Variants in SPTBN4 observed in about 807,000 individuals in gnomAD.
The protein encoded by SPTBN4 is spectrin beta chain, non-erythrocytic 4.
Under a neutral mutation model 277.8 loss-of-function variants are expected in SPTBN4, and 96 were observed. The ratio of observed to expected loss-of-function variants is 0.35; its 90% CI spans 0.29 to 0.41. SPTBN4 has a LOEUF of 0.41. SPTBN4 is among the 10% of genes least tolerant of loss of function. The pLI, the probability that SPTBN4 is intolerant of heterozygous loss-of-function variation, is 1.00. For synonymous variants in SPTBN4, 1,481 were observed against 1,580.3 expected, an observed-to-expected ratio of 0.94 and a Z score of 1.49; for missense variants, 3,006 against 3,595.7, an observed-to-expected ratio of 0.84 and a Z score of 4.19.
At position 40,554,658 on chromosome 19, in the gene SPTBN4, C is replaced by T; in HGVS notation, c.5084+12C>T. ...GGGCACCCGGACAGGTGGGCGGGCGCGTGGCCAGTTCACAGGAATGGTCCA... is the reference window on the plus strand; with the variant it reads ...GGGCACCCGGACAGGTGGGCGGGCGTGTGGCCAGTTCACAGGAATGGTCCA... On this transcript the variant is annotated intron_variant, in intron 24 of 35. Coordinates refer to ENST00000598249, the MANE Select transcript of SPTBN4 (RefSeq NM_020971.3). This position sits in a 1 kb window ranked among gnomAD's most constrained non-coding sequence, Gnocchi z 5.7. The T allele has an allele frequency of 6.3e-7, 1 of 1,590,372 alleles. No homozygotes were observed. Among genetic ancestry groups the T allele is most frequent in the Non-Finnish European group, 8.6e-7 (1 of 1,169,030 alleles).
At chr19:40,497,672 C>CTCAACTCCA (rs1309931425) in intron 7 of SPTBN4, 68 bp downstream of exon 7, 2 of 1,291,404 alleles carry the variant, frequency 1.5e-6, no homozygotes, top group Non-Finnish European at 2.2e-6. Flanking sequence ...CCATGTCACA[C>CTCAACTCCA]TCAACTCCAT....
chr19:40,475,483 T>C (rs2079936135), intron 2 of SPTBN4, among the ~76,000 whole-genome samples: 1 of 148,002 alleles, frequency 6.8e-6, no homozygotes, highest in Non-Finnish European at 1.5e-5. Context: ...TTATTTGAGG[T>C]GGAGTCTCAC....
intron 20 of SPTBN4, among the ~76,000 whole-genome samples, chr19:40,543,836 C>G (rs569753196): frequency 9.8e-5 from 15 of 152,308 alleles, no homozygotes; most frequent in Admixed American, 9.2e-4. Flanking sequence ...TGTGCATTTA[C>G]AAGTGTACCT....
Position 40,519,393 on chromosome 19 carries a change from C to T in SPTBN4, c.2904-8C>T, listed in dbSNP as rs757070630. On this transcript the variant is annotated splice_polypyrimidine_tract_variant and splice_region_variant and intron_variant, in intron 15 of 35. Transcript: ENST00000598249. The surrounding 1 kb of genome is among the most constrained non-coding windows in gnomAD (Gnocchi z 5.7). ...TCCTCCTCAAGTCACTCTCTTTCCC[C>T]TGGGCAGGTGGAACCGCATCGTGGA... 15 of 1,544,664 alleles carry T rather than the reference C, an allele frequency of 9.7e-6. No homozygotes were observed. Among genetic ancestry groups the T allele is most frequent in the South Asian group, 4.9e-5 (4 of 81,078 alleles).
Position 40,501,949 on chromosome 19 carries a change from G to C in SPTBN4, c.813G>C (p.Lys271Asn). The C allele has an allele frequency of 6.2e-7, 1 of 1,614,180 alleles. No homozygotes were observed. Among genetic ancestry groups the C allele is most frequent in the Non-Finnish European group, 8.5e-7 (1 of 1,180,028 alleles). ...TGAACATGGAGGCTCCAGATGAGAA[G>C]TCCATCATCACCTACGTGGTCTCTT... ...EDVNMEAPDEKSIITYVVSFY... is the reference protein window; with the variant it reads ...EDVNMEAPDENSIITYVVSFY... Residue 271 changes from lysine (K) to asparagine (N), a missense_variant, in exon 8 of 36, where the codon AAG (lysine) becomes AAC (asparagine). This residue lies in a region of SPTBN4 where 1,759 missense variants were observed against 2,061.5 expected (regional missense o/e 0.85). Coordinates refer to ENST00000598249, the MANE Select transcript of SPTBN4 (RefSeq NM_020971.3).
In SPTBN4 at chr19:40,487,701, G is replaced by C; in HGVS notation, c.174G>C (p.Glu58Asp). The stretch of plus-strand genomic sequence containing the variant: ...TCATCAGGGCCTCTCCTCCAGATGA[G>C]CGGGAAGCCGTGCAGAAGAAAACCT... The part of the protein sequence containing the change: ...ECSRIKALAD[E>D]REAVQKKTFT... The change falls in exon 3 of 36, where the codon GAG (glutamate) becomes GAC (aspartate). Residue 58 changes from glutamate (E) to aspartate (D), a missense_variant. Around this residue, in one of 5 missense-constraint regions of SPTBN4, gnomAD observed 114 missense variants for 196.1 expected, o/e 0.58. Coordinates refer to ENST00000598249, the MANE Select transcript of SPTBN4 (RefSeq NM_020971.3). 1 of 1,611,756 alleles carries C rather than the reference G, an allele frequency of 6.2e-7. No homozygotes were observed. Among genetic ancestry groups the C allele is most frequent in the Non-Finnish European group, 8.5e-7 (1 of 1,178,802 alleles).
intron 20 of SPTBN4, among the ~76,000 whole-genome samples, chr19:40,539,233 C>CT (rs2080771840): frequency 6.6e-6 from 1 of 152,248 alleles, no homozygotes; most frequent in Non-Finnish European, 1.5e-5. Context: ...TCCAGCAGGT[C>CT]TGGTTCTGAG....
Position 40,560,110 on chromosome 19 carries a change from C to G in SPTBN4, c.5671-49C>G. On this transcript the variant is annotated intron_variant, in intron 26 of 35. Transcript: ENST00000598249. This position sits in a 1 kb window ranked among gnomAD's most constrained non-coding sequence, Gnocchi z 5.2. The stretch of plus-strand genomic sequence containing the variant: ...GGAGCAGATGGTGGGAGGGAGGGCA[C>G]AGCCTGGGCCCCGTGGAGGGCTGGC... 3 of 1,528,004 alleles carry G rather than the reference C, an allele frequency of 2.0e-6. No homozygotes were observed. The highest frequency in any genetic ancestry group is 2.6e-6 in the Non-Finnish European group (3 of 1,143,556). 94.7% of individuals were successfully genotyped at this position (1,528,004 alleles called of 1,614,324 possible). A position where few individuals can be genotyped will look rare whatever the true frequency, so the allele number is the denominator to read the frequency against.
rs151315181 is a variant in SPTBN4 at position 40,472,342 on chromosome 19, G to C, written c.-15-265G>C. On this transcript the variant is annotated intron_variant, in intron 1 of 35. Coordinates refer to ENST00000598249, the MANE Select transcript of SPTBN4 (RefSeq NM_020971.3). ...TTATAGGCCTGAGCCACTGCGCCTG[G>C]CTTATTTTTATTTTTATAGAGATGA... 6.3e-3 allele frequency among the ~76,000 whole-genome samples: 952 copies of C among 151,586 alleles called. 9 individuals are homozygous for C. The highest frequency in any genetic ancestry group is 0.019 in the African/African-American group (770 of 41,276).
rs1555720164 is a variant in SPTBN4, at chr19:40,566,153, C to A, written c.6140-10C>A. 2 of 1,496,870 alleles carry A rather than the reference C, an allele frequency of 1.3e-6. No individual in the cohort carries two copies. Among genetic ancestry groups the A allele is most frequent in the Non-Finnish European group, 9.0e-7 (1 of 1,116,924 alleles). 92.7% of individuals were successfully genotyped at this position (1,496,870 alleles called of 1,614,324 possible). On this transcript the variant is annotated splice_polypyrimidine_tract_variant and intron_variant, in intron 29 of 35. Coordinates refer to ENST00000598249, the MANE Select transcript of SPTBN4 (RefSeq NM_020971.3). ...GCCCCAGAATCCTTACCCTGCATGC[C>A]CCTCCTCAGTGCTGGAGGTGCACCA...
Position 40,515,434 on chromosome 19 carries a change from C to A in SPTBN4, c.2889C>A (p.Asp963Glu). Reference protein sequence around the residue: ...PSSDEVRSCQDHLNSRWNRIV... With the variant: ...PSSDEVRSCQEHLNSRWNRIV... ...CAGATGAGGTGCGTTCCTGCCAGGA[C>A]CACCTCAACAGCAGGTAGGAGGGCC... Residue 963 changes from aspartate (D) to glutamate (E), a missense_variant, in exon 15 of 36, where the codon GAC (aspartate) becomes GAA (glutamate). This residue lies in a region of SPTBN4 where 1,759 missense variants were observed against 2,061.5 expected (regional missense o/e 0.85). Coordinates refer to ENST00000598249, the MANE Select transcript of SPTBN4 (RefSeq NM_020971.3). This position sits in a 1 kb window ranked among gnomAD's most constrained non-coding sequence, Gnocchi z 4.1. 1 of 1,564,604 alleles carries A rather than the reference C, an allele frequency of 6.4e-7. No individual in the cohort carries two copies. Among genetic ancestry groups the A allele is most frequent in the Non-Finnish European group, 8.7e-7 (1 of 1,154,300 alleles).
At chr19:40,536,160 T>C (rs2080733215) in intron 20 of SPTBN4, among the ~76,000 whole-genome samples, 1 of 151,868 alleles carries the variant, frequency 6.6e-6, no homozygotes, top group African/African-American at 2.4e-5. Flanking sequence ...TTCGTTCTTT[T>C]TCCCTCCGCT....
chr19:40,537,727 C>T (rs2080754714), intron 20 of SPTBN4, among the ~76,000 whole-genome samples: 1 of 151,868 alleles, frequency 6.6e-6, no homozygotes, highest in African/African-American at 2.4e-5. Context: ...CCTTTAGTCC[C>T]TCCCTGAGCC....
At chr19:40,517,023 A>G (rs1048725888) in intron 15 of SPTBN4, among the ~76,000 whole-genome samples, 1 of 152,212 alleles carries the variant, frequency 6.6e-6, no homozygotes, top group Non-Finnish European at 1.5e-5. Flanking sequence ...ATGAAGATAC[A>G]AGTCCAAAAA....
At chr19:40,522,844 A>G (rs1484847016) in intron 16 of SPTBN4, among the ~76,000 whole-genome samples, 1 of 150,904 alleles carries the variant, frequency 6.6e-6, no homozygotes, top group Non-Finnish European at 1.5e-5. Flanking sequence ...ATAATACAGG[A>G]GGGTTGGCTG....
chr19:40,484,931 CA>C (rs911074249), intron 2 of SPTBN4, among the ~76,000 whole-genome samples: 12 of 131,744 alleles, frequency 9.1e-5, no homozygotes, highest in African/African-American at 2.8e-4. Context: ...GACTCCGTCT[CA>C]AAAAAAAAAC....
Position 40,476,806 on chromosome 19 carries a change from T to C in SPTBN4, c.169+4016T>C, listed in dbSNP as rs1434863844. Among the ~76,000 whole-genome samples, 3 of 152,054 alleles carry C rather than the reference T, an allele frequency of 2.0e-5. No homozygotes were observed. In the East Asian group the frequency reaches 5.8e-4, roughly 30 times the overall value. Reference sequence around the variant, plus strand: ...GTTTCACTGTGTTAGCCAGGATGGTTTTGATCTCCTGACCGCGTGATCTGC... The same window carrying C: ...GTTTCACTGTGTTAGCCAGGATGGTCTTGATCTCCTGACCGCGTGATCTGC... On this transcript the variant is annotated intron_variant, in intron 2 of 35. Coordinates refer to ENST00000598249, the MANE Select transcript of SPTBN4 (RefSeq NM_020971.3).
chr19:40,542,114 G>T (rs1266852211), intron 20 of SPTBN4, among the ~76,000 whole-genome samples: 2 of 152,210 alleles, frequency 1.3e-5, no homozygotes, highest in South Asian at 2.1e-4. Flanking sequence ...TAGAGATGGG[G>T]TTTCACCATG....
At chr19:40,564,356 A>G (rs778734991) in intron 27 of SPTBN4, among the ~76,000 whole-genome samples, 4 of 152,160 alleles carry the variant, frequency 2.6e-5, no homozygotes, top group Non-Finnish European at 5.9e-5. Context: ...TTAATGAGAC[A>G]TTTTACATTC....
Sources: gnomAD v4.1 joint callset for allele counts (sites outside exome capture counted in the v4.1 genomes callset) on GRCh38, gnomAD v4.1.1 for gene constraint, gnomAD v4.1.1 regional missense constraint, Gnocchi (gnomAD v3.1) non-coding constraint, MANE v1.5 for transcripts, NCBI Gene and HGNC (gene_info 2026-07-23, HGNC 2026-07-21) for gene names.